CHRM3: variants seen among roughly 807,000 people sequenced by gnomAD.
CHRM3 encodes muscarinic acetylcholine receptor M3.
CHRM3 carries 11 observed loss-of-function variants against 41.8 expected under a neutral mutation model. That is an observed-to-expected ratio of 0.26 (90% CI 0.17 to 0.44). The LOEUF (loss-of-function observed/expected upper bound fraction) is 0.44, where lower values mean the gene tolerates loss of function less well. Among genes scored for constraint, CHRM3 ranks in the 20% least tolerant of loss-of-function variants. CHRM3 has a pLI of 1.00. For missense variants in CHRM3, 571 were observed against 745.4 expected, an observed-to-expected ratio of 0.77 and a Z score of 2.72; for synonymous variants, 297 against 301.4, an observed-to-expected ratio of 0.99 and a Z score of 0.15.
chr1:239,442,362 C>T (rs1663795977), intron 1 of CHRM3, among the ~76,000 whole-genome samples: 1 of 152,118 alleles, frequency 6.6e-6, no homozygotes, highest in African/African-American at 2.4e-5. Flanking sequence ...CCGTCTCAGC[C>T]TCCCAAAATG....
chr1:239,751,311 G>T (rs1572178041), intron 5 of CHRM3, among the ~76,000 whole-genome samples: 2 of 150,432 alleles, frequency 1.3e-5, no homozygotes, highest in East Asian at 2.0e-4. Context: ...GAAATAACTT[G>T]ATTACCCCTT....
At chr1:239,638,663 GC>G (rs1670756063) in intron 4 of CHRM3, among the ~76,000 whole-genome samples, 1 of 152,058 alleles carries the variant, frequency 6.6e-6, no homozygotes, top group South Asian at 2.1e-4. Flanking sequence ...CTGGATATTA[GC>G]CCTTTGTCAG....
intron 2 of CHRM3, among the ~76,000 whole-genome samples, chr1:239,493,961 T>C (rs1024085088): frequency 1.3e-5 from 2 of 152,180 alleles, no homozygotes; most frequent in African/African-American, 4.8e-5. Flanking sequence ...CAATCTTTTA[T>C]TGAACATTAC....
chr1:239,895,213 T>G (rs1678893616), intron 6 of CHRM3, among the ~76,000 whole-genome samples: 1 of 152,198 alleles, frequency 6.6e-6, no homozygotes, highest in Admixed American at 6.5e-5. Context: ...TTCTCCTGGC[T>G]GTACTTCCTT....
intron 5 of CHRM3, among the ~76,000 whole-genome samples, chr1:239,725,882 G>T (rs542345674): frequency 1.3e-4 from 20 of 152,018 alleles, no homozygotes; most frequent in African/African-American, 4.8e-4. Flanking sequence ...CAGATGTACA[G>T]ACTTTTCTTA....
At chr1:239,706,617 T>TACACAC (rs35644191) in intron 5 of CHRM3, 8,404 of 144,976 alleles carry the variant, frequency 0.058, 771 homozygotes, top group African/African-American at 0.2. Flanking sequence ...TGTGTCCATG[T>TACACAC]ACACACACAC....
chr1:239,806,692 T>A (rs1487679598), intron 5 of CHRM3, among the ~76,000 whole-genome samples: 1 of 152,224 alleles, frequency 6.6e-6, no homozygotes, highest in Non-Finnish European at 1.5e-5. Context: ...TTGTAGATAT[T>A]GTAGAAAACA....
At position 239,387,626 on chromosome 1, in the gene CHRM3, A is replaced by G. The variant is rs1325495829; in HGVS notation, c.-521+399A>G. ...ATCTGAGGCTCCAAAGTGCCCGAGCATGAGGAGCTACTGGGCTCCGGGTGT... is the reference window on the plus strand; with the variant it reads ...ATCTGAGGCTCCAAAGTGCCCGAGCGTGAGGAGCTACTGGGCTCCGGGTGT... On this transcript the variant is annotated intron_variant, in intron 1 of 6. Coordinates refer to ENST00000676153, the MANE Select transcript of CHRM3 (RefSeq NM_001375978.1). The surrounding 1 kb of genome is among the most constrained non-coding windows in gnomAD (Gnocchi z 5.1). Among the ~76,000 whole-genome samples, 1 of 152,098 alleles carries G rather than the reference A, an allele frequency of 6.6e-6. No individual in the cohort carries two copies. Among genetic ancestry groups the G allele is most frequent in the Admixed American group, 6.5e-5 (1 of 15,274 alleles).
intron 6 of CHRM3, among the ~76,000 whole-genome samples, chr1:239,873,701 C>T (rs1413785952): frequency 6.6e-6 from 1 of 152,182 alleles, no homozygotes; most frequent in African/African-American, 2.4e-5. Context: ...TGAAACCAGA[C>T]ACTGCCTGGT....
At chr1:239,440,776 A>G (rs895232144) in intron 1 of CHRM3, among the ~76,000 whole-genome samples, 3 of 152,230 alleles carry the variant, frequency 2.0e-5, no homozygotes, top group East Asian at 3.8e-4. Flanking sequence ...TAACAAATGT[A>G]TCCTTTGTAA....
chr1:239,467,316 T>C (rs1453070969), intron 1 of CHRM3, among the ~76,000 whole-genome samples: 1 of 152,176 alleles, frequency 6.6e-6, no homozygotes, highest in Non-Finnish European at 1.5e-5. Flanking sequence ...AGTTCTTTTT[T>C]TTTGAGACAG....
intron 1 of CHRM3, among the ~76,000 whole-genome samples, chr1:239,390,490 G>C (rs1019279963): frequency 2.1e-4 from 32 of 152,032 alleles, no homozygotes; most frequent in Non-Finnish European, 1.2e-4. Flanking sequence ...ATATATCTTT[G>C]TTCAGATCAA....
intron 5 of CHRM3, among the ~76,000 whole-genome samples, chr1:239,689,454 G>A (rs552531705): frequency 6.6e-6 from 1 of 152,150 alleles, no homozygotes; most frequent in South Asian, 2.1e-4. Context: ...TTTCTCTAAA[G>A]TATTTTTTAA....
At chr1:239,778,417 C>T (rs984429569) in intron 5 of CHRM3, among the ~76,000 whole-genome samples, 41 of 152,182 alleles carry the variant, frequency 2.7e-4, no homozygotes, top group Non-Finnish European at 2.6e-4. Flanking sequence ...ATCTACCACC[C>T]TCTCCCCATA....
At chr1:239,648,572 G>A (rs573624487) in intron 4 of CHRM3, among the ~76,000 whole-genome samples, 1 of 152,260 alleles carries the variant, frequency 6.6e-6, no homozygotes, top group Admixed American at 6.5e-5. Context: ...TCTGGGTAGT[G>A]GATGAGGGGG....
intron 6 of CHRM3, among the ~76,000 whole-genome samples, chr1:239,866,475 T>A (rs1676119613): frequency 6.6e-6 from 1 of 152,048 alleles, no homozygotes; most frequent in Non-Finnish European, 1.5e-5. Context: ...GACACACAGC[T>A]GTAGAGCCCA....
intron 5 of CHRM3, among the ~76,000 whole-genome samples, chr1:239,789,176 G>C (rs1040215423): frequency 6.6e-6 from 1 of 152,114 alleles, no homozygotes; most frequent in African/African-American, 2.4e-5. Flanking sequence ...TCATTGGAGG[G>C]TACTAGACCA....
At chr1:239,496,528 TGTGTG>T (rs879355604) in intron 2 of CHRM3, among the ~76,000 whole-genome samples, 2,902 of 151,538 alleles carry the variant, frequency 0.019, 68 homozygotes, top group African/African-American at 0.048. Flanking sequence ...TGTGTGTGTG[TGTGTG>T]TGTGTGTGTG....
At chr1:239,452,096 G>T (rs1421567580) in intron 1 of CHRM3, among the ~76,000 whole-genome samples, 1 of 151,968 alleles carries the variant, frequency 6.6e-6, no homozygotes, top group African/African-American at 2.4e-5. Context: ...ATATCCTATT[G>T]TTATAATTCA....
Sources: gnomAD v4.1 joint callset for allele counts (sites outside exome capture counted in the v4.1 genomes callset) on GRCh38, gnomAD v4.1.1 for gene constraint, Gnocchi (gnomAD v3.1) non-coding constraint, MANE v1.5 for transcripts, NCBI Gene and HGNC (gene_info 2026-07-23, HGNC 2026-07-21) for gene names.